Variants in AHSG observed in about 807,000 individuals in gnomAD.
The protein encoded by AHSG is alpha-2-HS-glycoprotein.
Under a neutral mutation model 30.1 loss-of-function variants are expected in AHSG, and 23 were observed. That is an observed-to-expected ratio of 0.76 (90% CI 0.55 to 1.08). The LOEUF (loss-of-function observed/expected upper bound fraction) is 1.08. Among genes scored for constraint, AHSG ranks in the 50% least tolerant of loss-of-function variants. The pLI is 0.00. For missense variants in AHSG, 469 were observed against 459.5 expected, an observed-to-expected ratio of 1.02 and a Z score of -0.19; for synonymous variants, 164 against 186.3, an observed-to-expected ratio of 0.88 and a Z score of 0.98.
At chr3:186,613,468 T>C (rs1716206412) in intron 1 of AHSG, 114 bp downstream of exon 1, 1 of 1,022,032 alleles carries the variant, frequency 9.8e-7, no homozygotes, top group East Asian at 2.6e-5. Context: ...GTAAATTCTC[T>C]GATTTCTTCC....
Position 186,620,572 on chromosome 3 carries a change from G to T in AHSG, c.760-14G>T, listed in dbSNP as rs775075435. 3.8e-6 allele frequency: 6 copies of T among 1,578,032 alleles called. No individual in the cohort carries two copies. The highest frequency in any genetic ancestry group is 5.2e-6 in the Non-Finnish European group (6 of 1,155,994). On this transcript the variant is annotated splice_polypyrimidine_tract_variant and intron_variant, in intron 6 of 6. Coordinates refer to ENST00000411641, the MANE Select transcript of AHSG (RefSeq NM_001622.4). ...AGGAAGCAAACTAACTGAAGGAAAT[G>T]GTCCTTTTTCCAGCCCGTGAGCTCA...
At chr3:186,617,089 G>A (rs1169414389) in intron 3 of AHSG, 98 bp from the exon 4 acceptor site, 2 of 1,517,806 alleles carry the variant, frequency 1.3e-6, no homozygotes, top group Admixed American at 2.2e-5. Flanking sequence ...AGTGCCTGAA[G>A]CTATCTGGGG....
chr3:186,617,217 A>C lies in AHSG; in HGVS notation c.440A>C (p.Gln147Pro). ...GCCGAGGACGTGCGCAAGGTGTGCC[A>C]AGACTGCCCCCTGCTGGCCCCGCTG... ...DSAEDVRKVCQDCPLLAPLND... is the reference protein window; with the variant it reads ...DSAEDVRKVCPDCPLLAPLND... Residue 147 changes from glutamine to proline, a missense_variant, in exon 4 of 7, where the codon CAA becomes CCA. By Grantham distance (76) the Gln-to-Pro change is moderately conservative. Transcript: ENST00000411641. The C allele has an allele frequency of 6.2e-7, 1 of 1,613,710 alleles. No individual in the cohort carries two copies. Among genetic ancestry groups the C allele is most frequent in the South Asian group, 1.1e-5 (1 of 91,028 alleles).
intron 2 of AHSG, among the ~76,000 whole-genome samples, chr3:186,616,141 G>A (rs1481929380): frequency 6.6e-6 from 1 of 152,164 alleles, no homozygotes; most frequent in East Asian, 1.9e-4. Flanking sequence ...AGGTTGCAGT[G>A]AGCCAAGATC....
intron 6 of AHSG, 129 bp downstream of exon 6, chr3:186,620,069 A>G: frequency 1.6e-6 from 1 of 627,762 alleles, no homozygotes; most frequent in South Asian, 2.9e-5. Context: ...ATGAAATAAC[A>G]CTGGGGTATG....
At chr3:186,617,556 TC>T (rs1178262004) in intron 4 of AHSG, 3 of 914,924 alleles carry the variant, frequency 3.3e-6, no homozygotes, top group Non-Finnish European at 5.0e-6. Context: ...CCTCAGCGCC[TC>T]CCCCATGCTG....
At chr3:186,614,310 T>C (rs990485580) in intron 1 of AHSG, among the ~76,000 whole-genome samples, 2 of 152,220 alleles carry the variant, frequency 1.3e-5, no homozygotes, top group Admixed American at 6.5e-5. Context: ...TTGAACCATA[T>C]AAAACTGCCA....
At chr3:186,617,511 T>C (rs768605155) in intron 4 of AHSG, 161 bp downstream of exon 4, 5 of 1,359,370 alleles carry the variant, frequency 3.7e-6, no homozygotes, top group Non-Finnish European at 4.1e-6. Flanking sequence ...CCTAAGGGGG[T>C]ATGAGGCTCC....
At chr3:186,617,612 C>A in intron 4 of AHSG, 1 of 575,928 alleles carries the variant, frequency 1.7e-6, no homozygotes, top group Non-Finnish European at 3.0e-6. Context: ...CAGGTACATC[C>A]CCACTCCCTC....
chr3:186,614,107 G>T (rs563118059), intron 1 of AHSG, among the ~76,000 whole-genome samples: 3 of 152,160 alleles, frequency 2.0e-5, no homozygotes, highest in African/African-American at 7.2e-5. Flanking sequence ...GGAAACCAAC[G>T]CAGCTTGAAG....
chr3:186,614,053 G>A (rs1191349428), intron 1 of AHSG, among the ~76,000 whole-genome samples: 1 of 151,932 alleles, frequency 6.6e-6, no homozygotes, highest in African/African-American at 2.4e-5. Flanking sequence ...ATCCCAGAGA[G>A]AAGTCTTGGC....
chr3:186,617,320 G>C lies in AHSG; in HGVS notation c.543G>C (p.Gln181His), dbSNP rs553707017. 3.7e-6 allele frequency: 6 copies of C among 1,614,222 alleles called. No homozygotes were observed. In the Admixed American group the frequency reaches 8.3e-5, roughly 22 times the overall value. ...CTCAGAACAACGGCTCCAATTTTCA[G>C]CTGGAGGAAATTTCCCGGGCTCAGC... ...FNAQNNGSNF[Q>H]LEEISRAQLV... The change falls in exon 4 of 7, where the codon CAG becomes CAC. Residue 181 changes from glutamine (Q) to histidine (H), a missense_variant. By Grantham distance (24) the Gln-to-His change is conservative. Coordinates refer to ENST00000411641, the MANE Select transcript of AHSG (RefSeq NM_001622.4).
Position 186,619,906 on chromosome 3 carries a change from A to T in AHSG, c.725A>T (p.Glu242Val), listed in dbSNP as rs1716425246. The T allele has an allele frequency of 6.2e-7, 1 of 1,613,586 alleles. No homozygotes were observed. Among genetic ancestry groups the T allele is most frequent in the African/African-American group, 1.3e-5 (1 of 74,890 alleles). ...CTCAGTGAGAAGCTTGGTGGGGCAG[A>T]GGTTGCAGTGACCTGCATGGTGTTC... ...ATLSEKLGGA[E>V]VAVTCMVFQT... The change falls in exon 6 of 7, where the codon GAG becomes GTG. Residue 242 changes from glutamate to valine, a missense_variant. Transcript: ENST00000411641.
intron 2 of AHSG, 45 bp from the exon 3 acceptor site, chr3:186,616,398 G>T: frequency 6.5e-7 from 1 of 1,540,654 alleles, no homozygotes; most frequent in Non-Finnish European, 8.9e-7. Context: ...TGCCCGGGGT[G>T]CGAAGGGGAA....
At chr3:186,614,691 G>C (rs1716241446) in intron 1 of AHSG, among the ~76,000 whole-genome samples, 1 of 152,230 alleles carries the variant, frequency 6.6e-6, no homozygotes, top group Admixed American at 6.5e-5. Context: ...GTTCCCTTGA[G>C]AAACCCAGGT....
At chr3:186,617,687 C>T (rs1716352935) in intron 4 of AHSG, 2 of 396,070 alleles carry the variant, frequency 5.0e-6, no homozygotes, top group South Asian at 4.4e-5. Flanking sequence ...CAGAAGCACT[C>T]ACTGTAAATT....
Position 186,620,833 on chromosome 3 carries a change from C to G in AHSG, c.1007C>G (p.Pro336Arg). ...LGSPSGEVSH[P>R]RKTRTVVQPS... ...TCACCCTCAGGAGAAGTGTCGCACCCCCGGAAAACACGCACAGTGGTGCAG... is the reference window on the plus strand; with the variant it reads ...TCACCCTCAGGAGAAGTGTCGCACCGCCGGAAAACACGCACAGTGGTGCAG... The change falls in exon 7 of 7, where the codon CCC (proline) becomes CGC (arginine). Residue 336 changes from proline to arginine, a missense_variant. Coordinates refer to ENST00000411641, the MANE Select transcript of AHSG (RefSeq NM_001622.4). 1 of 1,614,146 alleles carries G rather than the reference C, an allele frequency of 6.2e-7. No homozygotes were observed. Among genetic ancestry groups the G allele is most frequent in the Non-Finnish European group, 8.5e-7 (1 of 1,180,034 alleles).
chr3:186,620,739 C>T lies in AHSG; in HGVS notation c.913C>T (p.Pro305Ser). The stretch of plus-strand genomic sequence containing the variant: ...CTCCCATGTGTTACTGGCAGCTCCT[C>T]CAGGACACCAGTTGCACCGGGCGCA... ...PDSHVLLAAP[P>S]GHQLHRAHYD... The change falls in exon 7 of 7, where the codon CCA becomes TCA. Residue 305 changes from proline (P) to serine (S), a missense_variant. Coordinates refer to ENST00000411641, the MANE Select transcript of AHSG (RefSeq NM_001622.4). The T allele has an allele frequency of 1.2e-6, 2 of 1,614,210 alleles. No homozygotes were observed. The highest frequency in any genetic ancestry group is 1.6e-4 in the Middle Eastern group (1 of 6,062).
Sources: allele counts gnomAD v4.1 joint callset (sites outside exome capture counted in the v4.1 genomes callset), GRCh38; gene constraint gnomAD v4.1.1; transcripts MANE v1.5; gene names NCBI Gene and HGNC (gene_info 2026-07-23, HGNC 2026-07-21).